Variants in RBAK observed in about 807,000 individuals in gnomAD.
RBAK encodes RB-associated KRAB zinc finger protein.
Under a neutral mutation model 65.8 loss-of-function variants are expected in RBAK, and 39 were observed. The ratio of observed to expected loss-of-function variants is 0.59; its 90% CI spans 0.46 to 0.77. The LOEUF is 0.77. Among genes scored for constraint, RBAK ranks in the 30% least tolerant of loss-of-function variants. The pLI, the probability that RBAK is intolerant of heterozygous loss-of-function variation, is 0.00. For synonymous variants in RBAK, 343 were observed against 289.7 expected, an observed-to-expected ratio of 1.18 and a Z score of -1.87; for missense variants, 884 against 855.1, an observed-to-expected ratio of 1.03 and a Z score of -0.42.
chr7:5,062,249 C>T (rs992250068), intron 4 of RBAK, among the ~76,000 whole-genome samples: 6 of 152,268 alleles, frequency 3.9e-5, no homozygotes, highest in East Asian at 3.9e-4. Context: ...CCGATAGTCA[C>T]GTAGGTTCTT....
At chr7:5,062,584 A>G (rs1779103481) in intron 4 of RBAK, among the ~76,000 whole-genome samples, 4 of 152,234 alleles carry the variant, frequency 2.6e-5, no homozygotes, top group Non-Finnish European at 4.4e-5. Flanking sequence ...GTCATTGATA[A>G]CATCTTATCA....
rs558854646 is a variant in RBAK at position 5,058,251 on chromosome 7, T to C, written c.238+472T>C. Among the ~76,000 whole-genome samples the C allele has an allele frequency of 3.3e-4, 51 of 152,240 alleles. 1 individual carries two copies. In the South Asian group the frequency reaches 1.0e-2, roughly 30 times the overall value. Reference sequence around the variant, plus strand: ...CACCACGCCTGGCTAATTTTTATATTTTTAGTAGACACAGGGTTTCACCAT... The same window carrying C: ...CACCACGCCTGGCTAATTTTTATATCTTTAGTAGACACAGGGTTTCACCAT... On this transcript the variant is annotated intron_variant, in intron 4 of 4. Coordinates refer to ENST00000396912, the MANE Select transcript of RBAK (RefSeq NM_021163.4).
chr7:5,052,562 C>T (rs1016122208), intron 2 of RBAK, among the ~76,000 whole-genome samples: 2 of 152,132 alleles, frequency 1.3e-5, no homozygotes, highest in African/African-American at 4.8e-5. Context: ...TAGTATGCAA[C>T]TTTAATTATC....
At chr7:5,053,221 C>T (rs754084384) in intron 2 of RBAK, among the ~76,000 whole-genome samples, 4 of 152,148 alleles carry the variant, frequency 2.6e-5, no homozygotes, top group Non-Finnish European at 4.4e-5. Context: ...AATTCTTGTA[C>T]GTCTGCAAAT....
chr7:5,061,484 G>A (rs61261184), intron 4 of RBAK, among the ~76,000 whole-genome samples: 4,292 of 146,102 alleles, frequency 0.029, 165 homozygotes, highest in African/African-American at 0.081. Flanking sequence ...TAGAGACAGG[G>A]TTTTGCATGT....
rs1053204629 is a variant in RBAK at position 5,066,866 on chromosome 7, C to T, written c.*1265C>T. On this transcript the variant is annotated 3_prime_UTR_variant, in exon 5 of 5. Transcript: ENST00000396912. ...TAAACAAAACAAAGATGGACTTGTT[C>T]TGGGAAAAGGTAAAATGGTAATCAA... 6.6e-6 allele frequency: 1 copy of T among 152,090 alleles called. No homozygotes were observed. The highest frequency in any genetic ancestry group is 1.5e-5 in the Non-Finnish European group (1 of 67,998). 9.4% of individuals were successfully genotyped at this position (152,090 alleles called of 1,614,324 possible). A position where few individuals can be genotyped will look rare whatever the true frequency, so the allele number is the denominator to read the frequency against.
intron 2 of RBAK, among the ~76,000 whole-genome samples, chr7:5,055,545 C>G (rs1378633569): frequency 1.3e-5 from 2 of 152,002 alleles, no homozygotes; most frequent in Non-Finnish European, 2.9e-5. Flanking sequence ...AGTGGCTTAT[C>G]ATATTAATAG....
rs1779188982 is a variant in RBAK, at chr7:5,065,245, T to A, written c.1789T>A (p.Cys597Ser). 18 of 1,613,992 alleles carry A rather than the reference T, an allele frequency of 1.1e-5. No individual in the cohort carries two copies. Among genetic ancestry groups the A allele is most frequent in the Non-Finnish European group, 1.5e-5 (18 of 1,179,936 alleles). Residue 597 changes from cysteine (C) to serine (S), a missense_variant, in exon 5 of 5, where the codon TGT (cysteine) becomes AGT (serine). Coordinates refer to ENST00000396912, the MANE Select transcript of RBAK (RefSeq NM_021163.4). This position sits in a 1 kb window ranked among gnomAD's most constrained non-coding sequence, Gnocchi z 5.3. ...RVHTGEKPYE[C>S]YECGKFFSQK... ...ACACACAGGCGAGAAACCCTATGAA[T>A]GTTACGAATGTGGAAAATTCTTCTC... is the stretch of plus-strand genomic sequence containing the variant.
intron 2 of RBAK, among the ~76,000 whole-genome samples, chr7:5,050,589 C>G (rs1788094265): frequency 6.6e-6 from 1 of 152,030 alleles, no homozygotes; most frequent in Admixed American, 6.6e-5. Context: ...CCTTTCTTTT[C>G]TTTTCTTTTT....
Position 5,063,841 on chromosome 7 carries a change from C to A in RBAK, c.385C>A (p.Pro129Thr), listed in dbSNP as rs761019785. 1.9e-6 allele frequency: 3 copies of A among 1,613,974 alleles called. No homozygotes were observed. Among genetic ancestry groups the A allele is most frequent in the Admixed American group, 1.7e-5 (1 of 60,012 alleles). ...SQIYMETSLV[P>T]SSIIAHNCVS... is the part of the protein sequence containing the mutation. ...AATTTACATGGAAACAAGCCTTGTT[C>A]CTTCAAGCATAATAGCTCATAATTG... Residue 129 changes from proline (P) to threonine (T), a missense_variant, in exon 5 of 5, where the codon CCT becomes ACT. By Grantham distance (38) the Pro-to-Thr change is conservative. Transcript: ENST00000396912.
intron 2 of RBAK, among the ~76,000 whole-genome samples, chr7:5,049,233 G>C (rs1473968184): frequency 6.6e-6 from 1 of 152,154 alleles, no homozygotes; most frequent in Non-Finnish European, 1.5e-5. Flanking sequence ...TGTAAGCAGA[G>C]GGCCTGCCTG....
In RBAK at chr7:5,046,681, G is replaced by A. The variant is rs1250246702; in HGVS notation, c.-45+285G>A. On this transcript the variant is annotated intron_variant, in intron 1 of 4. Coordinates refer to ENST00000396912, the MANE Select transcript of RBAK (RefSeq NM_021163.4). ...CCTTCCTCCTCCTTTCCGTGCTCCA[G>A]ATTTCGACCTCCTCTAAACGTCCGT... 4.6e-5 allele frequency among the ~76,000 whole-genome samples: 7 copies of A among 152,180 alleles called. No homozygotes were observed. The East Asian group carries it at 9.6e-4, about 21-fold the overall frequency.
At chr7:5,055,228 G>A (rs1296028654) in intron 2 of RBAK, among the ~76,000 whole-genome samples, 6 of 150,860 alleles carry the variant, frequency 4.0e-5, no homozygotes, top group South Asian at 4.2e-4. Flanking sequence ...CTTTTGGACC[G>A]AGAAGACTGA....
chr7:5,047,332 G>A (rs566019298), intron 1 of RBAK, among the ~76,000 whole-genome samples: 10 of 152,276 alleles, frequency 6.6e-5, no homozygotes, highest in East Asian at 3.9e-4. Flanking sequence ...CCAGGAGGTC[G>A]AGGCTGCAGT....
chr7:5,055,251 TG>T (rs1788202221), intron 2 of RBAK, among the ~76,000 whole-genome samples: 2 of 44,988 alleles, frequency 4.4e-5, no homozygotes, highest in African/African-American at 9.8e-5. Flanking sequence ...CATAAATGTG[TG>T]TGTGTGTGTG....
intron 2 of RBAK, among the ~76,000 whole-genome samples, chr7:5,050,671 C>G (rs763642127): frequency 6.6e-6 from 1 of 152,146 alleles, no homozygotes; most frequent in African/African-American, 2.4e-5. Context: ...AACTCCTGTG[C>G]TCAAGTGATC....
At position 5,068,258 on chromosome 7, in the gene RBAK, A is replaced by G. The variant is rs1006370578; in HGVS notation, c.*2657A>G. On this transcript the variant is annotated 3_prime_UTR_variant, in exon 5 of 5. Transcript: ENST00000396912. ...AAGCATCCATACACCATGCATTAAA[A>G]AAAAAATGAGCATGGCTGCTTCCCA... 1 of 152,198 alleles carries G rather than the reference A, an allele frequency of 6.6e-6. No individual in the cohort carries two copies. Among genetic ancestry groups the G allele is most frequent in the African/African-American group, 2.4e-5 (1 of 41,454 alleles). The allele number at this position is 152,198 out of a possible 1,614,324, so 9.4% of individuals were successfully genotyped here.
At position 5,065,455 on chromosome 7, in the gene RBAK, A is replaced by T. The variant is rs1337904613; in HGVS notation, c.1999A>T (p.Thr667Ser). Residue 667 changes from threonine (T) to serine (S), a missense_variant, in exon 5 of 5, where the codon ACT (threonine) becomes TCT (serine). Thr to Ser is a moderately conservative substitution (Grantham distance 58). Transcript: ENST00000396912. The surrounding 1 kb of genome is among the most constrained non-coding windows in gnomAD (Gnocchi z 5.3). Reference protein sequence around the residue: ...GKVFSQKSYLTVHYRTHSGEK... With the variant: ...GKVFSQKSYLSVHYRTHSGEK... ...AGTCTTTTCTCAGAAGTCATACCTC[A>T]CTGTACACTATAGAACTCATTCAGG... 8.1e-6 allele frequency: 13 copies of T among 1,613,780 alleles called. No individual in the cohort carries two copies. Among genetic ancestry groups the T allele is most frequent in the Non-Finnish European group, 9.3e-6 (11 of 1,179,700 alleles).
rs1002531356 is a variant in RBAK at position 5,068,730 on chromosome 7, C to G, written c.*3129C>G. The G allele has an allele frequency of 6.6e-6, 1 of 152,180 alleles. No homozygotes were observed. Among genetic ancestry groups the G allele is most frequent in the Admixed American group, 6.5e-5 (1 of 15,274 alleles). The allele number at this position is 152,180 out of a possible 1,614,324, so 9.4% of individuals were successfully genotyped here. On this transcript the variant is annotated 3_prime_UTR_variant, in exon 5 of 5. Transcript: ENST00000396912. Reference sequence around the variant, plus strand: ...ATGTGTCTGTCCACCAAAGGACATGCACTAGAATATTTATAGCCTAAAACT... The same window carrying G: ...ATGTGTCTGTCCACCAAAGGACATGGACTAGAATATTTATAGCCTAAAACT...
Sources: allele counts gnomAD v4.1 joint callset (sites outside exome capture counted in the v4.1 genomes callset), GRCh38; gene constraint gnomAD v4.1.1; non-coding constraint Gnocchi (gnomAD v3.1); transcripts MANE v1.5; gene names NCBI Gene and HGNC (gene_info 2026-07-23, HGNC 2026-07-21).